DOCK7: variants seen among roughly 807,000 people sequenced by gnomAD.
DOCK7 encodes the protein dedicator of cytokinesis 7.
In DOCK7, 138 loss-of-function variants were observed where a neutral mutation model predicts 271.0. The ratio of observed to expected loss-of-function variants is 0.51; its 90% CI spans 0.44 to 0.59. DOCK7 has a LOEUF of 0.59. Among genes scored for constraint, DOCK7 ranks in the 20% least tolerant of loss-of-function variants. DOCK7 has a pLI of 0.00. For missense variants in DOCK7, 2,066 were observed against 2,592.4 expected (o/e 0.80, Z 4.41); for synonymous variants, 823 against 876.1 (o/e 0.94, Z 1.07).
chr1:62,646,196 A>G (rs1428726385), intron 7 of DOCK7, among the ~76,000 whole-genome samples: 1 of 151,870 alleles, frequency 6.6e-6, no homozygotes, highest in Non-Finnish European at 1.5e-5. Flanking sequence ...CATATATGCT[A>G]TAACACAGAT....
chr1:62,649,152 A>G (rs1467976728), intron 4 of DOCK7, among the ~76,000 whole-genome samples: 1 of 152,178 alleles, frequency 6.6e-6, no homozygotes, highest in Non-Finnish European at 1.5e-5. Flanking sequence ...TAACAATCCA[A>G]TAACAACCTA....
intron 14 of DOCK7, among the ~76,000 whole-genome samples, chr1:62,599,062 G>T (rs1649724362): frequency 6.6e-6 from 1 of 151,848 alleles, no homozygotes; most frequent in Admixed American, 6.6e-5. Context: ...GATAATAACA[G>T]AACTTATAGG....
At chr1:62,584,481 C>A in intron 15 of DOCK7, 1 of 1,041,960 alleles carries the variant, frequency 9.6e-7, no homozygotes, top group Non-Finnish European at 1.2e-6. Context: ...TACATAAAAA[C>A]ATTGTATTTT....
At chr1:62,642,381 G>A (rs536452140) in intron 7 of DOCK7, among the ~76,000 whole-genome samples, 1 of 152,210 alleles carries the variant, frequency 6.6e-6, no homozygotes, top group Admixed American at 6.5e-5. Flanking sequence ...TGGGATTATA[G>A]GCGTGAGCCA....
chr1:62,457,370 A>G (rs1645377177), intron 49 of DOCK7, among the ~76,000 whole-genome samples, 168 bp downstream of exon 49: 1 of 152,226 alleles, frequency 6.6e-6, no homozygotes, highest in South Asian at 2.1e-4. Flanking sequence ...GATTAGGGAT[A>G]CTCAACCAGT....
intron 1 of DOCK7, among the ~76,000 whole-genome samples, chr1:62,666,798 C>T: frequency 6.6e-6 from 1 of 152,244 alleles, no homozygotes; most frequent in South Asian, 2.1e-4. Flanking sequence ...ATATTAACTG[C>T]AAAGTAGAAA....
intron 1 of DOCK7, among the ~76,000 whole-genome samples, chr1:62,670,872 G>T (rs1207961140): frequency 3.9e-5 from 6 of 152,106 alleles, no homozygotes; most frequent in Admixed American, 3.9e-4. Flanking sequence ...CCACACTGTG[G>T]AAGCTTTGTT....
At chr1:62,488,007 T>C (rs924171772) in intron 42 of DOCK7, 4 of 152,366 alleles carry the variant, frequency 2.6e-5, no homozygotes, top group African/African-American at 9.7e-5. Flanking sequence ...AGCAGCCCTA[T>C]TTTTAGACTG....
chr1:62,560,313 A>G (rs557286068), intron 19 of DOCK7, among the ~76,000 whole-genome samples: 1 of 152,136 alleles, frequency 6.6e-6, no homozygotes, highest in Non-Finnish European at 1.5e-5. Flanking sequence ...CTCCCTGTAC[A>G]TATTCTCCAT....
chr1:62,604,024 T>C (rs747160820), intron 14 of DOCK7: 1 of 1,613,154 alleles, frequency 6.2e-7, no homozygotes. Flanking sequence ...AATCTAATTA[T>C]GTTTTACGAA....
intron 31 of DOCK7, among the ~76,000 whole-genome samples, chr1:62,521,835 G>A (rs777988105): frequency 6.6e-6 from 1 of 152,160 alleles, no homozygotes; most frequent in African/African-American, 2.4e-5. Flanking sequence ...CATTAGTCAG[G>A]CACAGTGGCA....
chr1:62,643,098 C>T (rs542853550), intron 7 of DOCK7, among the ~76,000 whole-genome samples: 114 of 152,270 alleles, frequency 7.5e-4, no homozygotes, highest in African/African-American at 2.7e-3. Context: ...GCCCACTGGA[C>T]AATGGGAAAA....
intron 11 of DOCK7, chr1:62,628,132 T>C (rs985652971): frequency 6.6e-5 from 10 of 152,202 alleles, no homozygotes; most frequent in Non-Finnish European, 1.0e-4. Context: ...TAGAGTCCCA[T>C]AAGGTGCACG....
At chr1:62,527,784 G>A (rs184209071) in intron 31 of DOCK7, among the ~76,000 whole-genome samples, 2 of 149,180 alleles carry the variant, frequency 1.3e-5, no homozygotes, top group African/African-American at 2.5e-5. Flanking sequence ...GTTAAATGAC[G>A]AGTTACTGGG....
chr1:62,467,393 C>CT (rs1363312109), intron 48 of DOCK7, among the ~76,000 whole-genome samples: 2 of 152,184 alleles, frequency 1.3e-5, no homozygotes, highest in African/African-American at 4.8e-5. Context: ...GAGATGAATG[C>CT]TTCTGAACCA....
intron 16 of DOCK7, among the ~76,000 whole-genome samples, chr1:62,581,849 A>G (rs116225426): frequency 5.9e-5 from 9 of 152,352 alleles, no homozygotes; most frequent in Non-Finnish European, 1.2e-4. Context: ...CAAGGAAAAT[A>G]CATACTATAC....
intron 48 of DOCK7, among the ~76,000 whole-genome samples, chr1:62,462,914 C>CTTTTTTTTTT: frequency 1.3e-5 from 1 of 79,350 alleles, no homozygotes; most frequent in Non-Finnish European, 2.3e-5. Flanking sequence ...GTAGAAAAAG[C>CTTTTTTTTTT]TTTTTTTTTT....
rs1048369719 is a variant in DOCK7 at position 62,618,731 on chromosome 1, C to T, written c.1657G>A (p.Val553Ile). 6 of 1,613,400 alleles carry T rather than the reference C, an allele frequency of 3.7e-6. No homozygotes were observed. The highest frequency in any genetic ancestry group is 1.3e-5 in the African/African-American group (1 of 74,904). Reference protein sequence around the residue: ...REILEFPARDVYVPNTTYRNL... With the variant: ...REILEFPARDIYVPNTTYRNL... The stretch of plus-strand genomic sequence containing the variant: ...CTGTAAGTAGTGTTTGGAACATAAA[C>T]ATCCCTTGCGGGAAACTCTAAGATT... Residue 553 changes from valine to isoleucine, a missense_variant, in exon 14 of 50, where the codon GTT becomes ATT. By Grantham distance (29) the Val-to-Ile change is conservative (BLOSUM62 3). Around this residue, in one of 2 missense-constraint regions of DOCK7, gnomAD observed 1,414 missense variants for 1,670.4 expected, o/e 0.85. Transcript: ENST00000635253.
At chr1:62,525,774 A>C (rs1644988511) in intron 31 of DOCK7, among the ~76,000 whole-genome samples, 1 of 152,212 alleles carries the variant, frequency 6.6e-6, no homozygotes, top group Non-Finnish European at 1.5e-5. Context: ...GATAAAAAAA[A>C]TTTGCTACAC....
Sources: gnomAD v4.1 joint callset for allele counts (sites outside exome capture counted in the v4.1 genomes callset) on GRCh38, gnomAD v4.1.1 for gene constraint, gnomAD v4.1.1 regional missense constraint, MANE v1.5 for transcripts, NCBI Gene and HGNC (gene_info 2026-07-23, HGNC 2026-07-21) for gene names.